The following GUCY1B1 variants were observed in gnomAD, a reference collection of about 807,000 sequenced individuals.
GUCY1B1 encodes guanylate cyclase 1 soluble subunit beta 1.
Under a neutral mutation model 71.0 loss-of-function variants are expected in GUCY1B1, and 43 were observed. The ratio of observed to expected loss-of-function variants is 0.61; its 90% CI spans 0.47 to 0.78. GUCY1B1 has a LOEUF of 0.78. Ranked by LOEUF, GUCY1B1 falls within the 30% of genes least tolerant of loss-of-function variation. The pLI, the probability that GUCY1B1 is intolerant of heterozygous loss-of-function variation, is 0.00. For missense variants in GUCY1B1, 535 were observed against 754.1 expected (o/e 0.71, Z 3.40); for synonymous variants, 266 against 259.7 (o/e 1.02, Z -0.23).
At chr4:155,762,174 G>A (rs544372686) in intron 2 of GUCY1B1, among the ~76,000 whole-genome samples, 14 of 152,298 alleles carry the variant, frequency 9.2e-5, no homozygotes, top group Admixed American at 4.6e-4. Context: ...GGGGAGAGGG[G>A]AGGAGAACCT....
At chr4:155,801,580 C>G (rs1739954790) in intron 9 of GUCY1B1, among the ~76,000 whole-genome samples, 1 of 152,118 alleles carries the variant, frequency 6.6e-6, no homozygotes, top group Non-Finnish European at 1.5e-5. Context: ...CCCACATATG[C>G]CCTTTTGCTT....
intron 3 of GUCY1B1, among the ~76,000 whole-genome samples, chr4:155,776,974 G>T (rs1263762467): frequency 6.6e-6 from 1 of 152,098 alleles, no homozygotes; most frequent in Non-Finnish European, 1.5e-5. Flanking sequence ...TAGGCTTTCA[G>T]ATTTTTTTTG....
chr4:155,759,139 C>A lies in GUCY1B1; in HGVS notation c.-2C>A. Reference sequence around the variant, plus strand: ...GCCTCCCCGGCTCCCGGTGCAGACACCATGGTAAGTGCTCTCAGCCGGGTG... The same window carrying A: ...GCCTCCCCGGCTCCCGGTGCAGACAACATGGTAAGTGCTCTCAGCCGGGTG... On this transcript the variant is annotated 5_prime_UTR_variant, in exon 1 of 14. Coordinates refer to ENST00000264424, the MANE Select transcript of GUCY1B1 (RefSeq NM_000857.5). 6.3e-7 allele frequency: 1 copy of A among 1,591,800 alleles called. No homozygotes were observed. Among genetic ancestry groups the A allele is most frequent in the Admixed American group, 1.7e-5 (1 of 57,790 alleles).
chr4:155,782,114 C>T (rs912896092), intron 4 of GUCY1B1, among the ~76,000 whole-genome samples: 3 of 151,966 alleles, frequency 2.0e-5, no homozygotes, highest in East Asian at 3.9e-4. Flanking sequence ...CTTGCTCTGT[C>T]GCCCAGGCTG....
intron 2 of GUCY1B1, chr4:155,772,481 C>G (rs1737759954): frequency 2.3e-6 from 1 of 442,974 alleles, no homozygotes; most frequent in African/African-American, 2.0e-5. Flanking sequence ...GTGGCAAGAT[C>G]ACGCCTCACT....
In GUCY1B1 at chr4:155,759,787, T is replaced by TTG; in HGVS notation, c.4_5insTG (p.Tyr2LeufsTer5). The TTG allele has an allele frequency of 6.2e-7, 1 of 1,611,886 alleles. No individual in the cohort carries two copies. The highest frequency in any genetic ancestry group is 8.5e-7 in the Non-Finnish European group (1 of 1,178,266). On this transcript the variant is annotated frameshift_variant and splice_region_variant, in exon 2 of 14. Transcript: ENST00000264424. LOFTEE classifies it high-confidence loss of function. ...CTCAAGTCTCTCCCTGTCCCCGCAG[T>TTG]ACGGATTTGTGAATCACGCCCTGGA...
chr4:155,796,456 G>A lies in GUCY1B1; in HGVS notation c.923G>A (p.Gly308Asp), dbSNP rs1470430507. The change falls in exon 8 of 14, where the codon GGT (glycine) becomes GAT (aspartate). Residue 308 changes from glycine to aspartate, a missense_variant. By Grantham distance (94) the Gly-to-Asp change is moderately conservative (BLOSUM62 -1). Coordinates refer to ENST00000264424, the MANE Select transcript of GUCY1B1 (RefSeq NM_000857.5). ...GTEISCLRLK[G>D]QMIYLPEADS... is the part of the protein sequence containing the mutation. ...GAGATCAGCTGCTTACGTCTCAAGG[G>A]TCAAATGATCTACTTACCTGAAGCA... The A allele has an allele frequency of 6.2e-7, 1 of 1,611,458 alleles. No individual in the cohort carries two copies. Among genetic ancestry groups the A allele is most frequent in the Non-Finnish European group, 8.5e-7 (1 of 1,177,768 alleles).
chr4:155,772,593 T>C, intron 2 of GUCY1B1: 1 of 609,376 alleles, frequency 1.6e-6, no homozygotes, highest in Non-Finnish European at 2.9e-6. Flanking sequence ...ATTTTTTTTT[T>C]ATTTCTAGGA....
chr4:155,796,474 C>A lies in GUCY1B1; in HGVS notation c.941C>A (p.Pro314His). 6.2e-7 allele frequency: 1 copy of A among 1,610,034 alleles called. No individual in the cohort carries two copies. The highest frequency in any genetic ancestry group is 1.3e-5 in the African/African-American group (1 of 74,950). ...LRLKGQMIYL[P>H]EADSILFLCS... ...CTCAAGGGTCAAATGATCTACTTACCTGAAGCAGATAGCATACTTTTTCTA... is the reference window on the plus strand; with the variant it reads ...CTCAAGGGTCAAATGATCTACTTACATGAAGCAGATAGCATACTTTTTCTA... Residue 314 changes from proline to histidine, a missense_variant, in exon 8 of 14, where the codon CCT (proline) becomes CAT (histidine). Transcript: ENST00000264424.
chr4:155,789,912 G>A lies in GUCY1B1; in HGVS notation c.495+1G>A. 6.3e-7 allele frequency: 1 copy of A among 1,591,190 alleles called. No individual in the cohort carries two copies. Among genetic ancestry groups the A allele is most frequent in the Non-Finnish European group, 8.6e-7 (1 of 1,162,620 alleles). Reference sequence around the variant, plus strand: ...CCATGGCACTGAAATAGACATGAAGGTAACAAACAGCAATGGAGACTTCTG... The same window carrying A: ...CCATGGCACTGAAATAGACATGAAGATAACAAACAGCAATGGAGACTTCTG... On this transcript the variant is annotated splice_donor_variant, in intron 5 of 13. Transcript: ENST00000264424. LOFTEE classifies it high-confidence loss of function.
chr4:155,793,980 G>T lies in GUCY1B1; in HGVS notation c.620G>T (p.Arg207Leu), dbSNP rs369391839. 21 of 1,609,526 alleles carry T rather than the reference G, an allele frequency of 1.3e-5. No homozygotes were observed. Among genetic ancestry groups the T allele is most frequent in the African/African-American group, 2.7e-5 (2 of 74,946 alleles). The change falls in exon 6 of 14, where the codon CGC becomes CTC. Residue 207 changes from arginine (R) to leucine (L), a missense_variant. Transcript: ENST00000264424. ...RFEENGTQES[R>L]ISPYTFCKAF... The stretch of plus-strand genomic sequence containing the variant: ...GAAGAAAATGGTACCCAGGAATCAC[G>T]CATCAGCCCATATACATTCTGCAAA...
chr4:155,760,424 AC>A (rs1160982413), intron 2 of GUCY1B1, among the ~76,000 whole-genome samples: 3 of 82,832 alleles, frequency 3.6e-5, no homozygotes, highest in African/African-American at 9.4e-5. Flanking sequence ...CCCACTGCCC[AC>A]CCCCCCCGCC....
chr4:155,806,183 A>G (rs771320205), intron 13 of GUCY1B1, among the ~76,000 whole-genome samples: 6 of 152,148 alleles, frequency 3.9e-5, no homozygotes, highest in Admixed American at 6.6e-5. Context: ...TGTTCTTCTG[A>G]TAAACTAAGC....
intron 2 of GUCY1B1, among the ~76,000 whole-genome samples, chr4:155,762,909 C>A (rs1737093524): frequency 6.6e-6 from 1 of 152,124 alleles, no homozygotes; most frequent in South Asian, 2.1e-4. Flanking sequence ...CTGATTTAGA[C>A]CATAACAAAT....
At chr4:155,780,401 C>T (rs1561012918) in intron 4 of GUCY1B1, among the ~76,000 whole-genome samples, 1 of 152,172 alleles carries the variant, frequency 6.6e-6, no homozygotes, top group Non-Finnish European at 1.5e-5. Context: ...CCACTCCTCT[C>T]TCCAAGCTCT....
intron 2 of GUCY1B1, among the ~76,000 whole-genome samples, chr4:155,762,056 C>T (rs1433824612): frequency 2.0e-5 from 3 of 152,202 alleles, no homozygotes; most frequent in African/African-American, 7.2e-5. Context: ...ACTCTCTGCA[C>T]TGAGGGCATT....
At chr4:155,779,316 A>C (rs780119791) in intron 4 of GUCY1B1, among the ~76,000 whole-genome samples, 3 of 152,224 alleles carry the variant, frequency 2.0e-5, no homozygotes, top group Non-Finnish European at 4.4e-5. Flanking sequence ...GTGTACATAC[A>C]TACATACACA....
rs1739998220 is a variant in GUCY1B1 at position 155,802,191 on chromosome 4, T to C, written c.1176-151T>C. ...GTAAATCCTTGCTTATAAATACAGC[T>C]AATATTTGATGCTAATTTTAGAGGA... is the stretch of plus-strand genomic sequence containing the variant. On this transcript the variant is annotated intron_variant, in intron 9 of 13. Coordinates refer to ENST00000264424, the MANE Select transcript of GUCY1B1 (RefSeq NM_000857.5). The surrounding 1 kb of genome is among the most constrained non-coding windows in gnomAD (Gnocchi z 4.3). 1 of 1,476,554 alleles carries C rather than the reference T, an allele frequency of 6.8e-7. No homozygotes were observed. Among genetic ancestry groups the C allele is most frequent in the South Asian group, 1.3e-5 (1 of 74,086 alleles). The allele number at this position is 1,476,554 out of a possible 1,614,324, so 91.5% of individuals were successfully genotyped here. A position where few individuals can be genotyped will look rare whatever the true frequency, so the allele number is the denominator to read the frequency against.
At chr4:155,799,589 C>T (rs1739804229) in intron 8 of GUCY1B1, among the ~76,000 whole-genome samples, 1 of 152,118 alleles carries the variant, frequency 6.6e-6, no homozygotes, top group Non-Finnish European at 1.5e-5. Context: ...AATACCTCAA[C>T]GTTTATCATA....
Sources: gnomAD v4.1 joint callset for allele counts (sites outside exome capture counted in the v4.1 genomes callset) on GRCh38, gnomAD v4.1.1 for gene constraint, Gnocchi (gnomAD v3.1) non-coding constraint, MANE v1.5 for transcripts, NCBI Gene and HGNC (gene_info 2026-07-23, HGNC 2026-07-21) for gene names.